The following GPAM variants were observed in gnomAD, a reference collection of about 807,000 sequenced individuals.
GPAM encodes the protein glycerol-3-phosphate acyltransferase 1, mitochondrial.
GPAM carries 56 observed loss-of-function variants against 105.0 expected under a neutral mutation model. The ratio of observed to expected loss-of-function variants is 0.53; its 90% CI spans 0.43 to 0.67. The LOEUF (loss-of-function observed/expected upper bound fraction) is 0.67. GPAM is among the 30% of genes least tolerant of loss of function. GPAM has a pLI of 0.00. For missense variants in GPAM, 855 were observed against 989.8 expected, an observed-to-expected ratio of 0.86 and a Z score of 1.83; for synonymous variants, 368 against 354.4, an observed-to-expected ratio of 1.04 and a Z score of -0.43.
At chr10:112,180,851 C>G (rs886907799) in intron 3 of GPAM, among the ~76,000 whole-genome samples, 1 of 152,142 alleles carries the variant, frequency 6.6e-6, no homozygotes, top group African/African-American at 2.4e-5. Context: ...TGTAGAAGGT[C>G]AAACAGACTT....
chr10:112,206,963 A>G (rs1480845066), intron 1 of GPAM, among the ~76,000 whole-genome samples: 13 of 152,180 alleles, frequency 8.5e-5, no homozygotes, highest in Admixed American at 7.9e-4. Context: ...TCTCAACAGA[A>G]TATCTATTCA....
chr10:112,208,650 A>C (rs1847876827), intron 1 of GPAM, among the ~76,000 whole-genome samples: 1 of 152,196 alleles, frequency 6.6e-6, no homozygotes, highest in African/African-American at 2.4e-5. Flanking sequence ...CCTCGGTGAC[A>C]AGCAGCTTTT....
intron 1 of GPAM, among the ~76,000 whole-genome samples, chr10:112,191,919 A>G (rs1252230888): frequency 6.6e-6 from 1 of 152,172 alleles, no homozygotes; most frequent in Non-Finnish European, 1.5e-5. Flanking sequence ...GGGGACTGTG[A>G]AGAATGACAG....
the GPAM span, among the ~76,000 whole-genome samples, chr10:112,221,869 C>T: frequency 8.5e-5 from 13 of 152,082 alleles, no homozygotes; most frequent in East Asian, 1.9e-4. Flanking sequence ...CAGATAATAA[C>T]GCTGCAAAAT....
At position 112,151,323 on chromosome 10, in the gene GPAM, G is replaced by GT. The variant is rs1470612347; in HGVS notation, c.*2226dup. On this transcript the variant is annotated 3_prime_UTR_variant, in exon 22 of 22. Transcript: ENST00000348367. ...GAAGCTTCATTGTGAAGATGCTTTC[G>GT]TTTTTTTGTTTTTTGTTTTCAGTCA... 2 of 823,574 alleles carry GT rather than the reference G, an allele frequency of 2.4e-6. No individual in the cohort carries two copies. Among genetic ancestry groups the GT allele is most frequent in the South Asian group, 7.6e-5 (1 of 13,130 alleles). 51.0% of individuals were successfully genotyped at this position (823,574 alleles called of 1,614,324 possible).
At position 112,181,807 on chromosome 10, in the gene GPAM, T is replaced by A; in HGVS notation, c.-23A>T. On this transcript the variant is annotated 5_prime_UTR_variant, in exon 3 of 22. The change abolishes the stop of an existing upstream ORF in the 5' untranslated region. Transcript: ENST00000348367. ...CATGTCACAAAGTGTAATTCCCAAA[T>A]CATGTGCTATAAAAAATAGGTACCA... 1 of 1,294,128 alleles carries A rather than the reference T, an allele frequency of 7.7e-7. No homozygotes were observed. Among genetic ancestry groups the A allele is most frequent in the Non-Finnish European group, 1.1e-6 (1 of 888,488 alleles). The allele number at this position is 1,294,128 out of a possible 1,614,324, so 80.2% of individuals were successfully genotyped here. A position where few individuals can be genotyped will look rare whatever the true frequency, so the allele number is the denominator to read the frequency against.
chr10:112,201,966 A>G (rs1847802561), intron 1 of GPAM, among the ~76,000 whole-genome samples: 1 of 152,244 alleles, frequency 6.6e-6, no homozygotes, highest in African/African-American at 2.4e-5. Context: ...AACTTGCACA[A>G]CAGCCCTCCA....
At chr10:112,209,850 G>A (rs1847891743) in intron 1 of GPAM, among the ~76,000 whole-genome samples, 2 of 152,198 alleles carry the variant, frequency 1.3e-5, no homozygotes, top group South Asian at 4.1e-4. Context: ...GTGTTTTTAT[G>A]GCCAATCTGA....
intron 9 of GPAM, among the ~76,000 whole-genome samples, chr10:112,169,339 T>G (rs1352957002): frequency 6.6e-6 from 1 of 152,206 alleles, no homozygotes; most frequent in African/African-American, 2.4e-5. Flanking sequence ...GCGCATGGCA[T>G]GTTTACTACA....
chr10:112,201,045 A>G (rs116291008), intron 1 of GPAM, among the ~76,000 whole-genome samples: 139 of 152,334 alleles, frequency 9.1e-4, no homozygotes, highest in African/African-American at 3.2e-3. Context: ...TTTTGAGATT[A>G]CATTAACTGA....
At position 112,158,413 on chromosome 10, in the gene GPAM, A is replaced by C. The variant is rs201283643; in HGVS notation, c.1903-20T>G. 4.7e-4 allele frequency: 681 copies of C among 1,444,274 alleles called. No individual in the cohort carries two copies. The highest frequency in any genetic ancestry group is 6.1e-4 in the Non-Finnish European group (625 of 1,024,978). The allele number at this position is 1,444,274 out of a possible 1,614,324, so 89.5% of individuals were successfully genotyped here. On this transcript the variant is annotated intron_variant, in intron 17 of 21. Coordinates refer to ENST00000348367, the MANE Select transcript of GPAM (RefSeq NM_001244949.2). ...GCAAGGCTGAAAAGAAAATTCATTTAAATATAAATGCCACCATTTTATACT... is the reference window on the plus strand; with the variant it reads ...GCAAGGCTGAAAAGAAAATTCATTTCAATATAAATGCCACCATTTTATACT...
At chr10:112,187,903 A>G (rs762707602), upstream of GPAM, among the ~76,000 whole-genome samples, 4 of 152,182 alleles carry the variant, frequency 2.6e-5, no homozygotes, top group Non-Finnish European at 5.9e-5. Context: ...AGGTATTTGG[A>G]AAATCCTTAA....
intron 5 of GPAM, 126 bp from the exon 6 acceptor site, chr10:112,175,839 C>CCTA: frequency 1.5e-6 from 1 of 676,178 alleles, no homozygotes; most frequent in South Asian, 1.5e-5. Flanking sequence ...TTAGGGTTCT[C>CCTA]CTACAGCAAA....
At chr10:112,170,787 G>A (rs891294797) in intron 9 of GPAM, among the ~76,000 whole-genome samples, 6 of 152,196 alleles carry the variant, frequency 3.9e-5, no homozygotes, top group African/African-American at 9.7e-5. Flanking sequence ...TATCCATTAA[G>A]CTATGTGAAG....
intron 1 of GPAM, among the ~76,000 whole-genome samples, chr10:112,190,874 C>T (rs1027742700): frequency 1.2e-4 from 19 of 152,062 alleles, no homozygotes; most frequent in African/African-American, 4.6e-4. Context: ...AAAGTGGGCC[C>T]ACACGACAGA....
intron 17 of GPAM, among the ~76,000 whole-genome samples, chr10:112,158,789 T>C (rs1847066182): frequency 6.6e-6 from 1 of 152,156 alleles, no homozygotes; most frequent in African/African-American, 2.4e-5. Context: ...ACAAAAGTGG[T>C]GATTGAGGAA....
Position 112,151,897 on chromosome 10 carries a change from C to G in GPAM, c.*1653G>C. 1 of 979,056 alleles carries G rather than the reference C, an allele frequency of 1.0e-6. No individual in the cohort carries two copies. Among genetic ancestry groups the G allele is most frequent in the South Asian group, 4.7e-5 (1 of 21,160 alleles). 60.6% of individuals were successfully genotyped at this position (979,056 alleles called of 1,614,324 possible). On this transcript the variant is annotated 3_prime_UTR_variant, in exon 22 of 22. Coordinates refer to ENST00000348367, the MANE Select transcript of GPAM (RefSeq NM_001244949.2). Reference sequence around the variant, plus strand: ...GATATCTCATTCAACATCAGAGCTACTACAACTGACAATGACTTCATGGTA... The same window carrying G: ...GATATCTCATTCAACATCAGAGCTAGTACAACTGACAATGACTTCATGGTA...
chr10:112,159,879 A>G, intron 17 of GPAM, 32 bp downstream of exon 17: 1 of 1,609,392 alleles, frequency 6.2e-7, no homozygotes, highest in Non-Finnish European at 8.5e-7. Context: ...TCAAGAAAAG[A>G]GACCAGGCAA....
At position 112,152,876 on chromosome 10, in the gene GPAM, T is replaced by C; in HGVS notation, c.*674A>G. ...CAAATTAACTTCCTGATGTTAACTA[T>C]TTGATTACAATATCTCAGTTCCCGA... On this transcript the variant is annotated 3_prime_UTR_variant, in exon 22 of 22. Coordinates refer to ENST00000348367, the MANE Select transcript of GPAM (RefSeq NM_001244949.2). 1 of 202,182 alleles carries C rather than the reference T, an allele frequency of 4.9e-6. No homozygotes were observed. The highest frequency in any genetic ancestry group is 8.8e-6 in the Non-Finnish European group (1 of 113,778). The allele number at this position is 202,182 out of a possible 1,614,324, so 12.5% of individuals were successfully genotyped here.
Sources: gnomAD v4.1 joint callset for allele counts (sites outside exome capture counted in the v4.1 genomes callset) on GRCh38, gnomAD v4.1.1 for gene constraint, MANE v1.5 for transcripts, NCBI Gene and HGNC (gene_info 2026-07-23, HGNC 2026-07-21) for gene names.